Variants in PLEKHG3 observed in about 807,000 individuals in gnomAD.
The protein encoded by PLEKHG3 is pleckstrin homology domain-containing family G member 3.
In PLEKHG3, 62 loss-of-function variants were observed where a neutral mutation model predicts 94.9. That is an observed-to-expected ratio of 0.65 (90% CI 0.53 to 0.81). The LOEUF is 0.81. Among genes scored for constraint, PLEKHG3 ranks in the 30% least tolerant of loss-of-function variants. PLEKHG3 has a pLI of 0.00. For synonymous variants in PLEKHG3, 614 were observed against 654.0 expected (o/e 0.94, Z 0.93); for missense variants, 1,461 against 1,619.3 (o/e 0.90, Z 1.68).
rs768816751 is a variant in PLEKHG3, at chr14:64,732,110, G to A, written c.1141G>A (p.Glu381Lys). The part of the protein sequence containing the change: ...QYSIQAKTVE[E>K]KRNWTHHIKR... The stretch of plus-strand genomic sequence containing the variant: ...GTCCTCCCAGGCCAAGACAGTGGAG[G>A]AGAAACGGAACTGGACTCACCACAT... The change falls in exon 10 of 17, where the codon GAG (glutamate) becomes AAG (lysine). Residue 381 changes from glutamate to lysine, a missense_variant. Glu to Lys is a moderately conservative substitution (Grantham distance 56). Around this residue, in one of 3 missense-constraint regions of PLEKHG3, gnomAD observed 1,201 missense variants for 1,295.5 expected, o/e 0.93. Transcript: ENST00000247226. This position sits in a 1 kb window ranked among gnomAD's most constrained non-coding sequence, Gnocchi z 4.9. 6.2e-7 allele frequency: 1 copy of A among 1,613,678 alleles called. No homozygotes were observed. Among genetic ancestry groups the A allele is most frequent in the Non-Finnish European group, 8.5e-7 (1 of 1,179,720 alleles).
At chr14:64,709,519 G>A (rs955768561) in intron 1 of PLEKHG3, among the ~76,000 whole-genome samples, 2 of 152,180 alleles carry the variant, frequency 1.3e-5, no homozygotes, top group African/African-American at 4.8e-5. Context: ...CACAGTGGTA[G>A]CTGTGCATGC....
rs2081243790 is a variant in PLEKHG3, at chr14:64,720,477, T to C, written c.-39-7116T>C. ...GAGTGGTGAGCTCATCCCGGCGCCA[T>C]CTCAGAGTCCTTCCAGCAGGCATTT... On this transcript the variant is annotated intron_variant, in intron 1 of 16. Coordinates refer to ENST00000247226, the MANE Select transcript of PLEKHG3 (RefSeq NM_001308147.2). The surrounding 1 kb of genome is among the most constrained non-coding windows in gnomAD (Gnocchi z 4.1). Among the ~76,000 whole-genome samples the C allele has an allele frequency of 6.6e-6, 1 of 152,218 alleles. No individual in the cohort carries two copies. Among genetic ancestry groups the C allele is most frequent in the South Asian group, 2.1e-4 (1 of 4,838 alleles).
chr14:64,748,619 A>C lies in PLEKHG3; in HGVS notation c.*4916A>C, dbSNP rs1170818725. ...GGGTACCCTTTGATCTGGGGGGAGA[A>C]GCAGAGAGGAGGGATGTGGTGGCCC... On this transcript the variant is annotated 3_prime_UTR_variant, in exon 17 of 17. Coordinates refer to ENST00000247226, the MANE Select transcript of PLEKHG3 (RefSeq NM_001308147.2). 1 of 152,682 alleles carries C rather than the reference A, an allele frequency of 6.5e-6. No individual in the cohort carries two copies. Among genetic ancestry groups the C allele is most frequent in the African/African-American group, 2.4e-5 (1 of 41,466 alleles). The allele number at this position is 152,682 out of a possible 1,614,324, so 9.5% of individuals were successfully genotyped here.
At position 64,721,458 on chromosome 14, in the gene PLEKHG3, G is replaced by C. The variant is rs1444036630; in HGVS notation, c.-39-6135G>C. 6.6e-6 allele frequency among the ~76,000 whole-genome samples: 1 copy of C among 152,164 alleles called. No homozygotes were observed. The highest frequency in any genetic ancestry group is 1.5e-5 in the Non-Finnish European group (1 of 68,010). ...GGCAACACAATCCTTTTCCTTCCTG[G>C]CAGCTGTGGTCCTGCTGCAAGGGAC... is the stretch of plus-strand genomic sequence containing the variant. On this transcript the variant is annotated intron_variant, in intron 1 of 16. Coordinates refer to ENST00000247226, the MANE Select transcript of PLEKHG3 (RefSeq NM_001308147.2). The surrounding 1 kb of genome is among the most constrained non-coding windows in gnomAD (Gnocchi z 4.3).
Position 64,750,201 on chromosome 14 carries a change from C to T in PLEKHG3, c.*6498C>T, listed in dbSNP as rs1319334858. 12 of 1,584,528 alleles carry T rather than the reference C, an allele frequency of 7.6e-6. No homozygotes were observed. The highest frequency in any genetic ancestry group is 9.5e-6 in the Non-Finnish European group (11 of 1,160,412). On this transcript the variant is annotated 3_prime_UTR_variant, in exon 17 of 17. Coordinates refer to ENST00000247226, the MANE Select transcript of PLEKHG3 (RefSeq NM_001308147.2). ...GGTCACCCACATCCTGATATGGTAT[C>T]TCTAGAGTCAATTCCTATAGCTTCA...
rs1248692930 is a variant in PLEKHG3, at chr14:64,727,971, A to G, written c.340A>G (p.Ser114Gly). ...TERMYVQDLR[S>G]IVEDYLLKII... Reference sequence around the variant, plus strand: ...GCGCATGTACGTACAGGACCTGCGCAGCATCGTGGAGGTGCGTGTCGGAGG... The same window carrying G: ...GCGCATGTACGTACAGGACCTGCGCGGCATCGTGGAGGTGCGTGTCGGAGG... The change falls in exon 2 of 17, where the codon AGC becomes GGC. Residue 114 changes from serine to glycine, a missense_variant. Physicochemically the swap from Ser to Gly is moderately conservative, Grantham distance 56. This residue lies in a region of PLEKHG3 where 253 missense variants were observed against 297.8 expected (regional missense o/e 0.85). Transcript: ENST00000247226. This position sits in a 1 kb window ranked among gnomAD's most constrained non-coding sequence, Gnocchi z 6.0. 1.3e-6 allele frequency: 2 copies of G among 1,568,266 alleles called. No homozygotes were observed. Among genetic ancestry groups the G allele is most frequent in the Non-Finnish European group, 1.7e-6 (2 of 1,147,714 alleles).
chr14:64,738,645 A>AGCCCC lies in PLEKHG3; in HGVS notation c.1405-96_1405-92dup. 1 of 886,906 alleles carries AGCCCC rather than the reference A, an allele frequency of 1.1e-6. No homozygotes were observed. The highest frequency in any genetic ancestry group is 1.8e-6 in the Non-Finnish European group (1 of 548,336). 54.9% of individuals were successfully genotyped at this position (886,906 alleles called of 1,614,324 possible). ...CCAAGACTGGCTCTCAGCTCAGCCC[A>AGCCCC]GCCCCTTGGGGCGTGGGAGGCACTG... On this transcript the variant is annotated intron_variant, in intron 14 of 16. Coordinates refer to ENST00000247226, the MANE Select transcript of PLEKHG3 (RefSeq NM_001308147.2). This position sits in a 1 kb window ranked among gnomAD's most constrained non-coding sequence, Gnocchi z 4.8.
rs780227402 is a variant in PLEKHG3 at position 64,743,120 on chromosome 14, C to T, written c.3077C>T (p.Thr1026Ile). The T allele has an allele frequency of 1.2e-6, 2 of 1,612,456 alleles. No homozygotes were observed. The highest frequency in any genetic ancestry group is 1.7e-6 in the Non-Finnish European group (2 of 1,179,968). ...FFNPSAVSQR[T>I]TSPGGRPSAR... ...AACCCGTCTGCTGTCAGCCAGAGGA[C>T]CACCTCGCCTGGGGGCCGGCCCTCC... Residue 1026 changes from threonine (T) to isoleucine (I), a missense_variant, in exon 17 of 17, where the codon ACC becomes ATC. Physicochemically the swap from Thr to Ile is moderately conservative, Grantham distance 89. Transcript: ENST00000247226. This position sits in a 1 kb window ranked among gnomAD's most constrained non-coding sequence, Gnocchi z 7.2.
In PLEKHG3 at chr14:64,732,415, C is replaced by A. The variant is rs758899892; in HGVS notation, c.1213-12C>A. 6.2e-7 allele frequency: 1 copy of A among 1,612,400 alleles called. No individual in the cohort carries two copies. On this transcript the variant is annotated splice_polypyrimidine_tract_variant and intron_variant, in intron 10 of 16. Coordinates refer to ENST00000247226, the MANE Select transcript of PLEKHG3 (RefSeq NM_001308147.2). This position sits in a 1 kb window ranked among gnomAD's most constrained non-coding sequence, Gnocchi z 4.9. ...GTAAGGTAATAACCAGGTGTGTTTC[C>A]TTCCCCTTCAGGCCAAGGAAGCCAT...
intron 1 of PLEKHG3, among the ~76,000 whole-genome samples, chr14:64,719,332 T>G (rs750425501): frequency 6.6e-6 from 1 of 152,114 alleles, no homozygotes; most frequent in Non-Finnish European, 1.5e-5. Context: ...GATTTATCCG[T>G]TATCATCATC....
intron 1 of PLEKHG3, among the ~76,000 whole-genome samples, chr14:64,711,080 TAGGTGGTTTA>T (rs1268684223): frequency 1.3e-5 from 2 of 152,202 alleles, no homozygotes; most frequent in African/African-American, 4.8e-5. Flanking sequence ...TAAGACCAAG[TAGGTGGTTTA>T]CCCACTTCAC....
rs747473726 is a variant in PLEKHG3 at position 64,730,960 on chromosome 14, G to C, written c.717+11G>C. 1.2e-6 allele frequency: 2 copies of C among 1,612,988 alleles called. No individual in the cohort carries two copies. The highest frequency in any genetic ancestry group is 1.7e-6 in the Non-Finnish European group (2 of 1,179,882). On this transcript the variant is annotated intron_variant, in intron 6 of 16. Transcript: ENST00000247226. This position sits in a 1 kb window ranked among gnomAD's most constrained non-coding sequence, Gnocchi z 5.4. ...CACCTGCTGCTCCAGGTAGCCCCTC[G>C]GTCCTCCCAAGCACCTAGGGCCTGG...
At chr14:64,713,266 G>A (rs531544114) in intron 1 of PLEKHG3, among the ~76,000 whole-genome samples, 1 of 152,224 alleles carries the variant, frequency 6.6e-6, no homozygotes, top group Non-Finnish European at 1.5e-5. Flanking sequence ...TCTTTTTTCT[G>A]ATATCTTGTC....
intron 1 of PLEKHG3, among the ~76,000 whole-genome samples, chr14:64,706,093 G>A (rs2080967004): frequency 6.6e-6 from 1 of 152,210 alleles, no homozygotes; most frequent in Non-Finnish European, 1.5e-5. Context: ...TGCTTTGGGG[G>A]CTTTTCTACT....
At position 64,726,533 on chromosome 14, in the gene PLEKHG3, C is replaced by G. The variant is rs1039376444; in HGVS notation, c.-39-1060C>G. Among the ~76,000 whole-genome samples, 1 of 152,168 alleles carries G rather than the reference C, an allele frequency of 6.6e-6. No homozygotes were observed. Among genetic ancestry groups the G allele is most frequent in the Non-Finnish European group, 1.5e-5 (1 of 68,024 alleles). On this transcript the variant is annotated intron_variant, in intron 1 of 16. Transcript: ENST00000247226. The surrounding 1 kb of genome is among the most constrained non-coding windows in gnomAD (Gnocchi z 5.1). The stretch of plus-strand genomic sequence containing the variant: ...CCCAAAGGCTGCAGCCTGAAGTAGT[C>G]TGGCCACTCCACCCTTCCATCCCCC...
At position 64,748,428 on chromosome 14, in the gene PLEKHG3, C is replaced by G. The variant is rs1008480511; in HGVS notation, c.*4725C>G. On this transcript the variant is annotated 3_prime_UTR_variant, in exon 17 of 17. Transcript: ENST00000247226. ...AGGGTCCCAGCATTGAGAGGGAGAG[C>G]CTTAGGCAGTGTTGTGACGCACCTG... 6.6e-6 allele frequency: 1 copy of G among 152,322 alleles called. No individual in the cohort carries two copies. 9.4% of individuals were successfully genotyped at this position (152,322 alleles called of 1,614,324 possible).
chr14:64,719,998 G>A (rs946599554), intron 1 of PLEKHG3, among the ~76,000 whole-genome samples: 5 of 152,126 alleles, frequency 3.3e-5, no homozygotes, highest in Middle Eastern at 3.2e-3. Flanking sequence ...TCCGGTTTTG[G>A]GGCACATTGC....
Position 64,731,279 on chromosome 14 carries a change from G to A in PLEKHG3, c.850-82G>A. The A allele has an allele frequency of 6.8e-7, 1 of 1,471,850 alleles. No homozygotes were observed. Among genetic ancestry groups the A allele is most frequent in the Admixed American group, 1.7e-5 (1 of 58,082 alleles). 91.2% of individuals were successfully genotyped at this position (1,471,850 alleles called of 1,614,324 possible). On this transcript the variant is annotated intron_variant, in intron 7 of 16. Coordinates refer to ENST00000247226, the MANE Select transcript of PLEKHG3 (RefSeq NM_001308147.2). The surrounding 1 kb of genome is among the most constrained non-coding windows in gnomAD (Gnocchi z 6.1). ...TGGGATGAGCTGGGCAGTGGCATTG[G>A]GGGAGCCTTTGTGGCAGGGTTTGCA...
At position 64,741,544 on chromosome 14, in the gene PLEKHG3, C is replaced by A. The variant is rs771019809; in HGVS notation, c.2027C>A (p.Ala676Asp). 5.6e-6 allele frequency: 9 copies of A among 1,612,792 alleles called. No homozygotes were observed. Among genetic ancestry groups the A allele is most frequent in the Non-Finnish European group, 1.7e-6 (2 of 1,180,010 alleles). ...GAAGTGGACATCAGTGTGGGGGTGG[C>A]CACAGAGGACAGCCCTTCTGTCAAT... ...SPEVDISVGVATEDSPSVNGM... is the reference protein window; with the variant it reads ...SPEVDISVGVDTEDSPSVNGM... Residue 676 changes from alanine to aspartate, a missense_variant, in exon 16 of 17, where the codon GCC becomes GAC. Physicochemically the swap from Ala to Asp is moderately radical, Grantham distance 126. This residue lies in a region of PLEKHG3 where 1,201 missense variants were observed against 1,295.5 expected (regional missense o/e 0.93). Transcript: ENST00000247226.
Sources: gnomAD v4.1 joint callset for allele counts (sites outside exome capture counted in the v4.1 genomes callset) on GRCh38, gnomAD v4.1.1 for gene constraint, gnomAD v4.1.1 regional missense constraint, Gnocchi (gnomAD v3.1) non-coding constraint, MANE v1.5 for transcripts, NCBI Gene and HGNC (gene_info 2026-07-23, HGNC 2026-07-21) for gene names.